Variants in PAPPA observed in about 807,000 individuals in gnomAD.
PAPPA encodes the protein pappalysin-1.
Under a neutral mutation model 164.0 loss-of-function variants are expected in PAPPA, and 60 were observed. The observed-to-expected ratio is 0.37, with a 90% CI of 0.30 to 0.45. PAPPA has a LOEUF of 0.45. Ranked by LOEUF, PAPPA falls within the 20% of genes least tolerant of loss-of-function variation. The pLI, the probability that PAPPA is intolerant of heterozygous loss-of-function variation, is 1.00. For missense variants in PAPPA, 1,782 were observed against 2,087.3 expected (o/e 0.85, Z 2.85); for synonymous variants, 875 against 814.1 (o/e 1.07, Z -1.27).
chr9:116,262,327 A>G (rs929964560), intron 7 of PAPPA, among the ~76,000 whole-genome samples: 2 of 152,250 alleles, frequency 1.3e-5, no homozygotes, highest in Non-Finnish European at 1.5e-5. Context: ...ATGATTTACT[A>G]CTACGGATGG....
intron 1 of PAPPA, among the ~76,000 whole-genome samples, chr9:116,172,673 C>T (rs564343829): frequency 6.6e-6 from 1 of 152,268 alleles, no homozygotes; most frequent in South Asian, 2.1e-4. Flanking sequence ...GTGTTCTTGG[C>T]CTCCTCCTCA....
Position 116,207,469 on chromosome 9 carries a change from G to A in PAPPA, c.1492G>A (p.Val498Ile). ...TTTCTGTTTCAGAGCCTACTTGGAT[G>A]TTAATGAGCTGAAGAACATTCTTAA... ...PDSPHRAYLD[V>I]NELKNILKLD... The change falls in exon 3 of 22, where the codon GTT (valine) becomes ATT (isoleucine). Residue 498 changes from valine (V) to isoleucine (I), a missense_variant. By Grantham distance (29) the Val-to-Ile change is conservative. Coordinates refer to ENST00000328252, the MANE Select transcript of PAPPA (RefSeq NM_002581.5). 1 of 1,611,726 alleles carries A rather than the reference G, an allele frequency of 6.2e-7. No individual in the cohort carries two copies. The highest frequency in any genetic ancestry group is 8.5e-7 in the Non-Finnish European group (1 of 1,178,758).
chr9:116,227,999 C>G (rs1844536432), intron 6 of PAPPA, among the ~76,000 whole-genome samples: 1 of 152,140 alleles, frequency 6.6e-6, no homozygotes, highest in Non-Finnish European at 1.5e-5. Context: ...TGTGTTGCAA[C>G]TATTCCTTTT....
chr9:116,250,903 C>T (rs549214927), intron 7 of PAPPA, among the ~76,000 whole-genome samples: 3 of 152,230 alleles, frequency 2.0e-5, no homozygotes, highest in South Asian at 4.2e-4. Context: ...GAACTCAGCT[C>T]CCTCTGATCA....
intron 7 of PAPPA, among the ~76,000 whole-genome samples, chr9:116,240,116 C>A (rs1844718396): frequency 6.6e-6 from 1 of 152,200 alleles, no homozygotes; most frequent in Non-Finnish European, 1.5e-5. Context: ...ATAAAGCAAA[C>A]CAGGAACAGT....
chr9:116,194,111 C>A (rs1019439453), intron 2 of PAPPA, among the ~76,000 whole-genome samples: 2 of 152,188 alleles, frequency 1.3e-5, no homozygotes, highest in Non-Finnish European at 2.9e-5. Context: ...ACAGTTTTTT[C>A]TTCAGACTGT....
intron 19 of PAPPA, among the ~76,000 whole-genome samples, chr9:116,377,351 C>G (rs952083721): frequency 1.3e-5 from 2 of 152,136 alleles, no homozygotes; most frequent in Non-Finnish European, 2.9e-5. Context: ...TTGTTCCTGC[C>G]AGGGAAATAC....
chr9:116,311,234 C>T (rs1348794398), intron 10 of PAPPA, among the ~76,000 whole-genome samples: 1 of 151,990 alleles, frequency 6.6e-6, no homozygotes, highest in Non-Finnish European at 1.5e-5. Context: ...TATTTGGATT[C>T]AAAATCAACA....
Position 116,289,258 on chromosome 9 carries a change from CAT to C in PAPPA, c.2954-13489_2954-13488del, listed in dbSNP as rs56379536. 2.4e-3 allele frequency among the ~76,000 whole-genome samples: 88 copies of C among 36,524 alleles called. 2 individuals carry two copies. Among genetic ancestry groups the C allele is most frequent in the African/African-American group, 4.4e-3 (46 of 10,524 alleles). 24.0% of individuals were successfully genotyped at this position (36,524 alleles called of 152,430 possible). A position where few individuals can be genotyped will look rare whatever the true frequency, so the allele number is the denominator to read the frequency against. On this transcript the variant is annotated intron_variant, in intron 9 of 21. Coordinates refer to ENST00000328252, the MANE Select transcript of PAPPA (RefSeq NM_002581.5). Reference sequence around the variant, plus strand: ...GCATATATATATAGCATATATGTAGCATATATATATAGCATATATATAGCATA... The same window carrying C: ...GCATATATATATAGCATATATGTAGCATATATATAGCATATATATAGCATA...
intron 5 of PAPPA, among the ~76,000 whole-genome samples, chr9:116,221,769 G>A (rs1189668617): frequency 6.6e-6 from 1 of 152,136 alleles, no homozygotes; most frequent in Non-Finnish European, 1.5e-5. Flanking sequence ...ATTTACAAGT[G>A]TATTTGTCTG....
In PAPPA at chr9:116,371,980, G is replaced by T. The variant is rs573713490; in HGVS notation, c.4605+4226G>T. On this transcript the variant is annotated intron_variant, in intron 19 of 21. Coordinates refer to ENST00000328252, the MANE Select transcript of PAPPA (RefSeq NM_002581.5). ...CTTATTTGTAAACTTCATATAATTAGAAATCATGAGGCATTTTCATAAGTG... is the reference window on the plus strand; with the variant it reads ...CTTATTTGTAAACTTCATATAATTATAAATCATGAGGCATTTTCATAAGTG... 2.6e-5 allele frequency among the ~76,000 whole-genome samples: 4 copies of T among 152,254 alleles called. No homozygotes were observed. The East Asian group carries it at 7.7e-4, about 29-fold the overall frequency.
At chr9:116,336,918 T>G (rs1188446567) in intron 13 of PAPPA, among the ~76,000 whole-genome samples, 1 of 152,248 alleles carries the variant, frequency 6.6e-6, no homozygotes, top group East Asian at 1.9e-4. Flanking sequence ...AAACCCTTGT[T>G]GAGCCCTTAA....
chr9:116,386,898 G>T (rs1846821788), intron 21 of PAPPA, among the ~76,000 whole-genome samples: 1 of 152,128 alleles, frequency 6.6e-6, no homozygotes, highest in Admixed American at 6.5e-5. Context: ...CAGAACAGAA[G>T]AAAGTTCTGG....
rs537619729 is a variant in PAPPA, at chr9:116,396,570, C to A, written c.4838C>A (p.Ala1613Asp). ...QGDCACRDPQ[A>D]QEHSRKDLRG... ...GACTGTGCTTGTCGGGACCCCCAGG[C>A]CCAAGAACACAGCCGGAAAGACCTC... is the stretch of plus-strand genomic sequence containing the variant. Residue 1613 changes from alanine to aspartate, a missense_variant, in exon 22 of 22, where the codon GCC becomes GAC. Transcript: ENST00000328252. 5 of 780,888 alleles carry A rather than the reference C, an allele frequency of 6.4e-6. No homozygotes were observed. In the Admixed American group the frequency reaches 6.8e-5, roughly 11 times the overall value. 48.4% of individuals were successfully genotyped at this position (780,888 alleles called of 1,614,324 possible).
chr9:116,226,340 C>G (rs891347497), intron 5 of PAPPA, among the ~76,000 whole-genome samples: 3 of 152,174 alleles, frequency 2.0e-5, no homozygotes, highest in African/African-American at 7.2e-5. Flanking sequence ...TGCTCACAAG[C>G]ACACGGTTCC....
chr9:116,211,497 G>A (rs1844306463), intron 3 of PAPPA, 142 bp from the exon 4 acceptor site: 2 of 657,810 alleles, frequency 3.0e-6, no homozygotes, highest in Non-Finnish European at 2.7e-6. Flanking sequence ...GGTTGTAACA[G>A]CTCTCAGGGC....
At chr9:116,268,223 C>T (rs1039952753) in intron 8 of PAPPA, among the ~76,000 whole-genome samples, 1 of 152,156 alleles carries the variant, frequency 6.6e-6, no homozygotes, top group Non-Finnish European at 1.5e-5. Context: ...ATTTAACATA[C>T]AATGCTGTAT....
intron 21 of PAPPA, among the ~76,000 whole-genome samples, chr9:116,386,833 C>T (rs1264427931): frequency 1.3e-5 from 2 of 152,138 alleles, no homozygotes; most frequent in African/African-American, 4.8e-5. Context: ...TCCCAGCCTT[C>T]CCATCATCCC....
chr9:116,335,217 G>C, intron 13 of PAPPA, 143 bp downstream of exon 13: 1 of 689,904 alleles, frequency 1.4e-6, no homozygotes, highest in East Asian at 2.7e-5. Context: ...CCTCTGGCCG[G>C]CTCTGCCTTG....
Sources: gnomAD v4.1 joint callset for allele counts (sites outside exome capture counted in the v4.1 genomes callset) on GRCh38, gnomAD v4.1.1 for gene constraint, MANE v1.5 for transcripts, NCBI Gene and HGNC (gene_info 2026-07-23, HGNC 2026-07-21) for gene names.